MYO1F: variants seen among roughly 807,000 people sequenced by gnomAD.
MYO1F encodes myosin IF.
A neutral mutation model predicts 146.6 loss-of-function variants in MYO1F; 60 were observed. That is an observed-to-expected ratio of 0.41 (90% CI 0.33 to 0.51). The LOEUF (loss-of-function observed/expected upper bound fraction) is 0.51, where lower values mean the gene tolerates loss of function less well. Among genes scored for constraint, MYO1F ranks in the 20% least tolerant of loss-of-function variants. The pLI is 0.25. For missense variants in MYO1F, 1,274 were observed against 1,534.3 expected, an observed-to-expected ratio of 0.83 and a Z score of 2.83; for synonymous variants, 602 against 602.1, an observed-to-expected ratio of 1.00 and a Z score of 0.00.
intron 13 of MYO1F, 126 bp from the exon 14 acceptor site, chr19:8,544,590 G>T: frequency 2.1e-6 from 2 of 933,298 alleles, no homozygotes; most frequent in East Asian, 2.8e-5. Context: ...TTTGGGGGTG[G>T]GGAGGGCACC....
intron 19 of MYO1F, among the ~76,000 whole-genome samples, chr19:8,534,807 A>G (rs1972636754): frequency 6.6e-6 from 1 of 151,186 alleles, no homozygotes; most frequent in Non-Finnish European, 1.5e-5. Flanking sequence ...TTGTATTTGT[A>G]GAAGAGACGG....
chr19:8,574,621 CTTTCTTTCTTTCTTTCTTTCTTTCCT>C (rs2042191298), intron 1 of MYO1F, among the ~76,000 whole-genome samples: 1 of 58,834 alleles, frequency 1.7e-5, no homozygotes, highest in Admixed American at 1.9e-4. Context: ...TTCTTTCTTT[CTTTCTTTCTTTCTTTCTTTCTTTCCT>C]TTCTTTCTCT....
intron 1 of MYO1F, among the ~76,000 whole-genome samples, chr19:8,575,078 C>CTT (rs576218913): frequency 6.6e-5 from 9 of 135,578 alleles, no homozygotes; most frequent in South Asian, 2.4e-4. Context: ...TTTTCTTTTT[C>CTT]TTTTTTTTTT....
Position 8,544,441 on chromosome 19 carries a change from G to C in MYO1F, c.1380C>G (p.Val460=). 1 of 1,611,544 alleles carries C rather than the reference G, an allele frequency of 6.2e-7. No individual in the cohort carries two copies. The highest frequency in any genetic ancestry group is 1.1e-5 in the South Asian group (1 of 91,050). ...GCATGGTGGCGCACACGTCGTCCAA[G>C]ACGCTCATGATGCCTGGGGGGCTCT... The part of the protein sequence containing the change: ...NKLSPPGIMS[V]LDDVCATMHA... The change falls in exon 14 of 28, where the codon GTC becomes GTG. Residue 460 remains valine (V), a synonymous_variant. Transcript: ENST00000644032.
intron 21 of MYO1F, chr19:8,529,960 C>T (rs1206854558): frequency 2.2e-5 from 14 of 640,740 alleles, no homozygotes; most frequent in Admixed American, 4.6e-5. Flanking sequence ...GGGATAGATA[C>T]CTATGGACAG....
rs753946970 is a variant in MYO1F, at chr19:8,530,586, C to T, written c.2044-13G>A. 18 of 1,602,862 alleles carry T rather than the reference C, an allele frequency of 1.1e-5. No individual in the cohort carries two copies. The Admixed American group carries it at 2.0e-4, about 18-fold the overall frequency. On this transcript the variant is annotated splice_polypyrimidine_tract_variant and intron_variant, in intron 19 of 27. Coordinates refer to ENST00000644032, the MANE Select transcript of MYO1F (RefSeq NM_012335.4). This position sits in a 1 kb window ranked among gnomAD's most constrained non-coding sequence, Gnocchi z 5.8. ...CCAGGAGGAAAAGCTGGGCGGGGGT[C>T]GTGGGGGGCAAGGGTGAGTCCTGGT...
chr19:8,522,525 C>A lies in MYO1F; in HGVS notation c.3072G>T (p.Val1024=), dbSNP rs763829730. Residue 1024 remains valine, a synonymous_variant, in exon 27 of 28, where the codon GTG becomes GTT. Coordinates refer to ENST00000644032, the MANE Select transcript of MYO1F (RefSeq NM_012335.4). ...GMAGMQRKRS[V]GQRPVPGVGR... ...CCACACCAGGCACTGGCCGTTGCCCCACGCTGCGCTTCCTCTGCATGCTGT... is the reference window on the plus strand; with the variant it reads ...CCACACCAGGCACTGGCCGTTGCCCAACGCTGCGCTTCCTCTGCATGCTGT... 16 of 1,612,824 alleles carry A rather than the reference C, an allele frequency of 9.9e-6. No individual in the cohort carries two copies. The highest frequency in any genetic ancestry group is 1.3e-5 in the Non-Finnish European group (15 of 1,179,716).
intron 1 of MYO1F, among the ~76,000 whole-genome samples, chr19:8,563,920 C>G (rs79980665): frequency 6.6e-6 from 1 of 152,098 alleles, no homozygotes; most frequent in South Asian, 2.1e-4. Flanking sequence ...TGAGCCACTG[C>G]GCTTTGGCCT....
chr19:8,553,318 C>T (rs1204582831), intron 5 of MYO1F, 32 bp downstream of exon 5: 1 of 1,612,666 alleles, frequency 6.2e-7, no homozygotes, highest in South Asian at 1.1e-5. Flanking sequence ...GTGAGGGCGA[C>T]CCAGCTTATC....
At chr19:8,544,069 T>TGGTGGTGGTGGTGGTGGTGGTG in intron 14 of MYO1F, 1 of 563,648 alleles carries the variant, frequency 1.8e-6, no homozygotes, top group South Asian at 1.9e-5. Flanking sequence ...GTGGTGGTGG[T>TGGTGGTGGTGGTGGTGGTGGTG]GTCCAGACAA....
At chr19:8,562,381 C>T (rs1186480751) in intron 1 of MYO1F, among the ~76,000 whole-genome samples, 1 of 151,994 alleles carries the variant, frequency 6.6e-6, no homozygotes, top group Admixed American at 6.6e-5. Context: ...GATCATACCT[C>T]ACTGCGGCCT....
chr19:8,555,904 C>T, intron 1 of MYO1F, 108 bp from the exon 2 acceptor site: 1 of 1,155,762 alleles, frequency 8.7e-7, no homozygotes, highest in Non-Finnish European at 1.2e-6. Flanking sequence ...CGCCCCACCT[C>T]CATTCCTCCT....
Position 8,531,663 on chromosome 19 carries a change from A to G in MYO1F, c.2044-1090T>C, listed in dbSNP as rs552691361. ...AACAGTGAGTCACTAGCTTCAGATC[A>G]CAGCTGTGCCACTTACTACCTGTGT... On this transcript the variant is annotated intron_variant, in intron 19 of 27. Transcript: ENST00000644032. Among the ~76,000 whole-genome samples, 16 of 152,340 alleles carry G rather than the reference A, an allele frequency of 1.1e-4. No homozygotes were observed. In the South Asian group the frequency reaches 2.9e-3, roughly 28 times the overall value.
rs570160376 is a variant in MYO1F at position 8,522,730 on chromosome 19, G to A, written c.2954C>T (p.Pro985Leu). ...GGTHRPPRGP[P>L]STSLGASRRP... ...TCTGCTGGCTCCCAGGGATGTGGAC[G>A]GAGGGCCCCGGGGAGGCCTGTGGGT... The change falls in exon 26 of 28, where the codon CCG (proline) becomes CTG (leucine). Residue 985 changes from proline (P) to leucine (L), a missense_variant. Physicochemically the swap from Pro to Leu is moderately conservative, Grantham distance 98. Around this residue, in one of 2 missense-constraint regions of MYO1F, gnomAD observed 374 missense variants for 379.2 expected, o/e 0.99. Coordinates refer to ENST00000644032, the MANE Select transcript of MYO1F (RefSeq NM_012335.4). The A allele has an allele frequency of 3.1e-6, 5 of 1,613,182 alleles. No homozygotes were observed. Among genetic ancestry groups the A allele is most frequent in the African/African-American group, 1.3e-5 (1 of 75,046 alleles).
chr19:8,522,786 G>C lies in MYO1F; in HGVS notation c.2898C>G (p.Pro966=). 1.2e-6 allele frequency: 2 copies of C among 1,601,612 alleles called. No individual in the cohort carries two copies. Among genetic ancestry groups the C allele is most frequent in the Non-Finnish European group, 8.5e-7 (1 of 1,175,882 alleles). Residue 966 remains proline, a synonymous_variant, in exon 26 of 28, where the codon CCC becomes CCG. Transcript: ENST00000644032. ...NGVPPSARGG[P]LPLEIMSGGG... ...CTCCAGACATGATCTCCAGGGGCAG[G>C]GGGCCCCCTCTGGCAGAGGGGGGCA...
intron 15 of MYO1F, among the ~76,000 whole-genome samples, chr19:8,540,624 C>T (rs1286948609): frequency 2.0e-5 from 3 of 151,098 alleles, no homozygotes; most frequent in East Asian, 1.9e-4. Context: ...GCAGGAGAAT[C>T]GCTTGAACCC....
At chr19:8,574,591 CTCTCTCTTTCTT>C (rs1480136144) in intron 1 of MYO1F, among the ~76,000 whole-genome samples, 67 of 84,016 alleles carry the variant, frequency 8.0e-4, no homozygotes, top group African/African-American at 3.2e-3. Flanking sequence ...CTCTCTCTCT[CTCTCTCTTTCTT>C]TCTTTCTTTC....
intron 19 of MYO1F, among the ~76,000 whole-genome samples, chr19:8,533,214 A>T (rs1972564769): frequency 6.6e-6 from 1 of 151,392 alleles, no homozygotes; most frequent in Non-Finnish European, 1.5e-5. Flanking sequence ...AGAGAGGTAG[A>T]GTTGGGGTTT....
Position 8,574,601 on chromosome 19 carries a change from CTTTCTTTCTTTCTTTCTTTCTTTCTT to C in MYO1F, c.3+2680_3+2705del, listed in dbSNP as rs1600073291. On this transcript the variant is annotated intron_variant, in intron 1 of 27. Transcript: ENST00000644032. ...TTTCTCTCTCTCTCTCTCTCTCTTTCTTTCTTTCTTTCTTTCTTTCTTTCTTTCTTTCTTTCTTTCTTTCCTTTCTT... is the reference window on the plus strand; with the variant it reads ...TTTCTCTCTCTCTCTCTCTCTCTTTCTCTTTCTTTCTTTCTTTCCTTTCTT... Among the ~76,000 whole-genome samples, 104 of 64,762 alleles carry C rather than the reference CTTTCTTTCTTTCTTTCTTTCTTTCTT, an allele frequency of 1.6e-3. 1 individual carries two copies. Among genetic ancestry groups the C allele is most frequent in the Admixed American group, 0.011 (61 of 5,618 alleles). The allele number at this position is 64,762 out of a possible 152,430, so 42.5% of individuals were successfully genotyped here. A position where few individuals can be genotyped will look rare whatever the true frequency, so the allele number is the denominator to read the frequency against.
Sources: allele counts gnomAD v4.1 joint callset (sites outside exome capture counted in the v4.1 genomes callset), GRCh38; gene constraint gnomAD v4.1.1; regional missense constraint gnomAD v4.1.1; non-coding constraint Gnocchi (gnomAD v3.1); transcripts MANE v1.5; gene names NCBI Gene and HGNC (gene_info 2026-07-23, HGNC 2026-07-21).